Variants in EIF4B observed in about 807,000 individuals in gnomAD.
EIF4B encodes eukaryotic translation initiation factor 4B.
Under a neutral mutation model 79.3 loss-of-function variants are expected in EIF4B, and 8 were observed. That is an observed-to-expected ratio of 0.10 (90% CI 0.06 to 0.18). EIF4B has a LOEUF of 0.18. Ranked by LOEUF, EIF4B falls within the 10% of genes least tolerant of loss-of-function variation. The probability of loss-of-function intolerance (pLI) is 1.00; values close to 1 mark genes in which losing one functional copy is unlikely to be tolerated. For missense variants in EIF4B, 515 were observed against 792.4 expected, an observed-to-expected ratio of 0.65 and a Z score of 4.20; for synonymous variants, 238 against 274.7, an observed-to-expected ratio of 0.87 and a Z score of 1.32.
intron 10 of EIF4B, among the ~76,000 whole-genome samples, chr12:53,035,740 G>A (rs1331480988): frequency 6.6e-6 from 1 of 152,152 alleles, no homozygotes; most frequent in Non-Finnish European, 1.5e-5. Context: ...ATAAAGTGCT[G>A]GGATTCCAAG....
At chr12:53,032,420 G>A (rs1195589177) in intron 8 of EIF4B, among the ~76,000 whole-genome samples, 1 of 152,084 alleles carries the variant, frequency 6.6e-6, no homozygotes, top group African/African-American at 2.4e-5. Context: ...GTGACAGAGC[G>A]AGACTGTCTC....
chr12:53,016,408 G>A, intron 1 of EIF4B, 65 bp from the exon 2 acceptor site: 1 of 1,587,654 alleles, frequency 6.3e-7, no homozygotes, highest in East Asian at 2.2e-5. Flanking sequence ...TTACAATATT[G>A]CATTGTACAA....
intron 1 of EIF4B, among the ~76,000 whole-genome samples, chr12:53,010,532 ACAC>A (rs1280177271): frequency 6.1e-5 from 9 of 148,588 alleles, no homozygotes; most frequent in African/African-American, 9.8e-5. Flanking sequence ...TGGGCTGTAA[ACAC>A]CAATATAATT....
At chr12:53,018,022 C>G (rs1328974703) in intron 2 of EIF4B, among the ~76,000 whole-genome samples, 2 of 152,212 alleles carry the variant, frequency 1.3e-5, no homozygotes, top group Non-Finnish European at 1.5e-5. Flanking sequence ...TGGAGTCTCA[C>G]TCTGTCGCCC....
At chr12:53,024,139 G>T (rs1208141919) in intron 6 of EIF4B, among the ~76,000 whole-genome samples, 1 of 152,090 alleles carries the variant, frequency 6.6e-6, no homozygotes, top group Non-Finnish European at 1.5e-5. Context: ...AATATCATGG[G>T]GTAGGAGTAG....
chr12:53,016,431 C>G, intron 1 of EIF4B, 42 bp from the exon 2 acceptor site: 9 of 1,610,382 alleles, frequency 5.6e-6, no homozygotes, highest in Non-Finnish European at 7.6e-6. Flanking sequence ...CTGTAAATAC[C>G]TGAGTATTGG....
intron 13 of EIF4B, 91 bp downstream of exon 13, chr12:53,039,434 C>A: frequency 2.4e-6 from 3 of 1,252,790 alleles, no homozygotes; most frequent in South Asian, 1.4e-5. Flanking sequence ...ACTGCCAGAT[C>A]GCTCATTGTG....
rs71095966 is a variant in EIF4B at position 53,019,450 on chromosome 12, C to CTTTT, written c.361-439_361-436dup. Among the ~76,000 whole-genome samples the CTTTT allele has an allele frequency of 1.2e-3, 79 of 66,006 alleles. 1 individual carries two copies. Among genetic ancestry groups the CTTTT allele is most frequent in the Middle Eastern group, 0.014 (1 of 74 alleles). 43.3% of individuals were successfully genotyped at this position (66,006 alleles called of 152,430 possible). A position where few individuals can be genotyped will look rare whatever the true frequency, so the allele number is the denominator to read the frequency against. ...ATATATATATATATTTTTTTTTTTT[C>CTTTT]TTTTTTTTTTTTTTTTTTTTTTTTG... On this transcript the variant is annotated intron_variant, in intron 3 of 14. Coordinates refer to ENST00000262056, the MANE Select transcript of EIF4B (RefSeq NM_001417.7).
In EIF4B at chr12:53,014,273, G is replaced by A. The variant is rs994785546; in HGVS notation, c.14-2200G>A. ...AAAAAAAAAAAAAAATTAGCCTGGC[G>A]TGGTGGCACGCGCCTGTAGTCCCAG... On this transcript the variant is annotated intron_variant, in intron 1 of 14. Transcript: ENST00000262056. Among the ~76,000 whole-genome samples the A allele has an allele frequency of 7.2e-5, 11 of 151,946 alleles. No homozygotes were observed. In the South Asian group the frequency reaches 1.0e-3, roughly 14 times the overall value.
At chr12:53,019,098 A>T in intron 3 of EIF4B, 92 bp downstream of exon 3, 1 of 1,419,454 alleles carries the variant, frequency 7.0e-7, no homozygotes, top group Non-Finnish European at 9.7e-7. Context: ...TTGAAAAAAC[A>T]ACTAGAAATA....
chr12:53,027,112 A>AG (rs1183824191), intron 6 of EIF4B, among the ~76,000 whole-genome samples: 4 of 142,460 alleles, frequency 2.8e-5, no homozygotes, highest in Non-Finnish European at 3.0e-5. Context: ...CAGCAGAGAG[A>AG]GACTGTCTCT....
rs1358659371 is a variant in EIF4B, at chr12:53,019,901, T to C, written c.361-9T>C. 7 of 1,605,224 alleles carry C rather than the reference T, an allele frequency of 4.4e-6. No individual in the cohort carries two copies. In the South Asian group the frequency reaches 4.5e-5, roughly 10 times the overall value. On this transcript the variant is annotated splice_polypyrimidine_tract_variant and intron_variant, in intron 3 of 14. Transcript: ENST00000262056. ...TGGGAAACTTTGTTGTTGATTCTTATTCCTTCAGATCAGTGCAGTGCGTTT... is the reference window on the plus strand; with the variant it reads ...TGGGAAACTTTGTTGTTGATTCTTACTCCTTCAGATCAGTGCAGTGCGTTT...
rs1943649086 is a variant in EIF4B at position 53,042,036 on chromosome 12, GGATT to G, written c.*1818_*1821del. On this transcript the variant is annotated 3_prime_UTR_variant, in exon 15 of 15. Coordinates refer to ENST00000262056, the MANE Select transcript of EIF4B (RefSeq NM_001417.7). ...GTCCCCCCTATTAAAATAGAAACAG[GGATT>G]GATTAATGTCCCGCTCCTGAATACA... 6.6e-6 allele frequency: 1 copy of G among 152,316 alleles called. No homozygotes were observed. Among genetic ancestry groups the G allele is most frequent in the Non-Finnish European group, 1.5e-5 (1 of 67,986 alleles). The allele number at this position is 152,316 out of a possible 1,614,324, so 9.4% of individuals were successfully genotyped here.
At position 53,039,634 on chromosome 12, in the gene EIF4B, G is replaced by C; in HGVS notation, c.1687G>C (p.Asp563His). 1 of 1,613,776 alleles carries C rather than the reference G, an allele frequency of 6.2e-7. No homozygotes were observed. ...TTTATGCTTACGTCTCTGCAGGAAAGATGGCAAAAAGGATCAAGACTCCAG... is the reference window on the plus strand; with the variant it reads ...TTTATGCTTACGTCTCTGCAGGAAACATGGCAAAAAGGATCAAGACTCCAG... ...RDHWKESDRK[D>H]GKKDQDSRSA... Residue 563 changes from aspartate (D) to histidine (H), a missense_variant, in exon 14 of 15, where the codon GAT (aspartate) becomes CAT (histidine). Around this residue, in one of 6 missense-constraint regions of EIF4B, gnomAD observed 60 missense variants for 56.7 expected, o/e 1.06. Coordinates refer to ENST00000262056, the MANE Select transcript of EIF4B (RefSeq NM_001417.7).
intron 4 of EIF4B, chr12:53,021,584 A>G: frequency 1.6e-6 from 1 of 622,806 alleles, no homozygotes; most frequent in Non-Finnish European, 2.9e-6. Context: ...CTTTGTAAAA[A>G]TAGTATAATT....
chr12:53,018,778 C>T lies in EIF4B; in HGVS notation c.152-20C>T, dbSNP rs1344949289. 8 of 1,610,774 alleles carry T rather than the reference C, an allele frequency of 5.0e-6. No individual in the cohort carries two copies. The highest frequency in any genetic ancestry group is 2.2e-5 in the South Asian group (2 of 90,952). ...GAGAGAAGTTTCTTCTAATTTCTTA[C>T]ATTCATTCCTCTATCCTAGTTTCGA... On this transcript the variant is annotated intron_variant, in intron 2 of 14. Transcript: ENST00000262056.
intron 6 of EIF4B, chr12:53,025,243 A>G: frequency 2.2e-6 from 1 of 455,884 alleles, no homozygotes; most frequent in South Asian, 1.6e-5. Context: ...ATGGCTCTTG[A>G]AAGAAAAAGC....
intron 6 of EIF4B, among the ~76,000 whole-genome samples, chr12:53,024,648 CTTTGTTTTGTTTTGT>C (rs145603743): frequency 1.9e-4 from 29 of 151,904 alleles, no homozygotes; most frequent in Non-Finnish European, 3.7e-4. Context: ...TTTACAAGCT[CTTTGTTTTGTTTTGT>C]TTTGTTTTGT....
chr12:53,032,177 G>T (rs1437267948), intron 8 of EIF4B, among the ~76,000 whole-genome samples: 2 of 152,126 alleles, frequency 1.3e-5, no homozygotes, highest in Non-Finnish European at 1.5e-5. Flanking sequence ...GGGCGTGGTG[G>T]CTCACATCTG....
Sources: gnomAD v4.1 joint callset for allele counts (sites outside exome capture counted in the v4.1 genomes callset) on GRCh38, gnomAD v4.1.1 for gene constraint, gnomAD v4.1.1 regional missense constraint, MANE v1.5 for transcripts, NCBI Gene and HGNC (gene_info 2026-07-23, HGNC 2026-07-21) for gene names.